Variants in ACSS3 observed in about 807,000 individuals in gnomAD.
The protein encoded by ACSS3 is acyl-CoA synthetase short-chain family member 3, mitochondrial.
ACSS3 carries 64 observed loss-of-function variants against 84.2 expected under a neutral mutation model. The ratio of observed to expected loss-of-function variants is 0.76; its 90% CI spans 0.62 to 0.94. The LOEUF is 0.94. Ranked by LOEUF, ACSS3 falls within the 40% of genes least tolerant of loss-of-function variation. The pLI, the probability that ACSS3 is intolerant of heterozygous loss-of-function variation, is 0.00. For missense variants in ACSS3, 815 were observed against 867.6 expected, an observed-to-expected ratio of 0.94 and a Z score of 0.76; for synonymous variants, 317 against 310.1, an observed-to-expected ratio of 1.02 and a Z score of -0.23.
chr12:81,153,079 C>A (rs768723324), intron 7 of ACSS3, among the ~76,000 whole-genome samples: 9 of 151,996 alleles, frequency 5.9e-5, no homozygotes, highest in Non-Finnish European at 1.3e-4. Flanking sequence ...TAGAAAGCAT[C>A]TGAAAAAAGG....
chr12:81,212,936 ATCT>A (rs1160512298), intron 9 of ACSS3, among the ~76,000 whole-genome samples: 1 of 152,128 alleles, frequency 6.6e-6, no homozygotes, highest in Non-Finnish European at 1.5e-5. Flanking sequence ...TTCCCTGTTC[ATCT>A]TCTTCCTAGC....
chr12:81,107,825 T>C (rs1005824401), intron 1 of ACSS3, among the ~76,000 whole-genome samples: 1 of 151,904 alleles, frequency 6.6e-6, no homozygotes, highest in Non-Finnish European at 1.5e-5. Flanking sequence ...CCCTGCTTCT[T>C]TGGGCTCTGT....
At chr12:81,218,660 T>C (rs971245219) in intron 10 of ACSS3, among the ~76,000 whole-genome samples, 14 of 152,082 alleles carry the variant, frequency 9.2e-5, no homozygotes, top group Non-Finnish European at 1.9e-4. Flanking sequence ...CAGAAAAAAA[T>C]GTTTTGTGTT....
intron 8 of ACSS3, among the ~76,000 whole-genome samples, chr12:81,198,437 A>G (rs2031943237): frequency 6.6e-6 from 1 of 152,128 alleles, no homozygotes; most frequent in African/African-American, 2.4e-5. Flanking sequence ...AAATTAAGCG[A>G]ATAGTAAAAT....
intron 2 of ACSS3, among the ~76,000 whole-genome samples, chr12:81,130,087 C>A (rs1329527267): frequency 6.6e-6 from 1 of 152,166 alleles, no homozygotes. Context: ...AATAAACATA[C>A]ATGTGCATGT....
At position 81,199,367 on chromosome 12, in the gene ACSS3, A is replaced by T. The variant is rs770812815; in HGVS notation, c.1277A>T (p.Glu426Val). 1.2e-6 allele frequency: 2 copies of T among 1,613,410 alleles called. No individual in the cohort carries two copies. Among genetic ancestry groups the T allele is most frequent in the South Asian group, 2.2e-5 (2 of 91,050 alleles). ...TRFKTLFVAG[E>V]RCDVETLEWS... is the part of the protein sequence containing the mutation. ...TTCAAAACATTATTTGTGGCTGGAG[A>T]ACGATGTGATGTAGAGACCCTGGAA... Residue 426 changes from glutamate to valine, a missense_variant, in exon 9 of 16, where the codon GAA becomes GTA. Physicochemically the swap from Glu to Val is moderately radical, Grantham distance 121 (BLOSUM62 -2). Coordinates refer to ENST00000548058, the MANE Select transcript of ACSS3 (RefSeq NM_024560.4).
At position 81,094,157 on chromosome 12, in the gene ACSS3, CCT is replaced by C. The variant is rs1197848879; in HGVS notation, c.312-15388_312-15387del. On this transcript the variant is annotated intron_variant, in intron 1 of 15. Coordinates refer to ENST00000548058, the MANE Select transcript of ACSS3 (RefSeq NM_024560.4). The stretch of plus-strand genomic sequence containing the variant: ...GCATTCCAAGGATATATTTTTTTTT[CCT>C]CTCTCTCTCTCTCTGTCTCTCTCTC... Among the ~76,000 whole-genome samples the C allele has an allele frequency of 6.5e-3, 850 of 131,008 alleles. 5 individuals carry two copies. The highest frequency in any genetic ancestry group is 0.016 in the African/African-American group (571 of 35,688). The allele number at this position is 131,008 out of a possible 152,430, so 85.9% of individuals were successfully genotyped here. A position where few individuals can be genotyped will look rare whatever the true frequency, so the allele number is the denominator to read the frequency against.
chr12:81,086,130 T>A (rs969531695), intron 1 of ACSS3, among the ~76,000 whole-genome samples: 1 of 152,196 alleles, frequency 6.6e-6, no homozygotes, highest in African/African-American at 2.4e-5. Context: ...CAGATATTTT[T>A]AAAATTACAT....
intron 8 of ACSS3, among the ~76,000 whole-genome samples, chr12:81,191,640 G>T (rs1005874992): frequency 1.3e-5 from 2 of 152,076 alleles, no homozygotes; most frequent in Non-Finnish European, 2.9e-5. Context: ...CTGTGGCTTG[G>T]TATCTTTCAC....
rs1334385936 is a variant in ACSS3 at position 81,143,102 on chromosome 12, T to C, written c.781-5T>C. 1.2e-6 allele frequency: 2 copies of C among 1,610,930 alleles called. No homozygotes were observed. Among genetic ancestry groups the C allele is most frequent in the Non-Finnish European group, 1.7e-6 (2 of 1,177,938 alleles). On this transcript the variant is annotated splice_region_variant and splice_polypyrimidine_tract_variant and intron_variant, in intron 4 of 15. Transcript: ENST00000548058. ...AGTACATATTCTTATATTTTTGCTG[T>C]GTAGGAGGCGGTTCCTTTGGCTCCC...
intron 7 of ACSS3, among the ~76,000 whole-genome samples, chr12:81,168,443 T>C (rs779498433): frequency 2.6e-5 from 4 of 152,234 alleles, no homozygotes; most frequent in Non-Finnish European, 4.4e-5. Context: ...AGAATATCCA[T>C]GAACTCCTCT....
Position 81,174,791 on chromosome 12 carries a change from A to G in ACSS3, c.1102A>G (p.Lys368Glu). The change falls in exon 8 of 16, where the codon AAG becomes GAG. Residue 368 changes from lysine (K) to glutamate (E), a missense_variant. By Grantham distance (56) the Lys-to-Glu change is moderately conservative. Transcript: ENST00000548058. ...TTTTAAATGAATCTCATTGTAGGGG[A>G]AGCCTGTGGGAACACCAGATGCTGG... The part of the protein sequence containing the change: ...HGNTTVLYEG[K>E]PVGTPDAGAY... 1.2e-6 allele frequency: 2 copies of G among 1,612,028 alleles called. No homozygotes were observed. The highest frequency in any genetic ancestry group is 2.2e-5 in the East Asian group (1 of 44,860).
At chr12:81,216,356 C>T (rs549276021) in intron 9 of ACSS3, among the ~76,000 whole-genome samples, 22 of 151,654 alleles carry the variant, frequency 1.5e-4, no homozygotes, top group Non-Finnish European at 2.5e-4. Context: ...TGCTAAATGA[C>T]GATATTATCC....
At chr12:81,165,651 GA>G (rs11366530) in intron 7 of ACSS3, among the ~76,000 whole-genome samples, 37,751 of 142,372 alleles carry the variant, frequency 0.27, 5,070 homozygotes, top group East Asian at 0.54. Flanking sequence ...GTCTCAAAAA[GA>G]AAAAAAAAAA....
At position 81,241,492 on chromosome 12, in the gene ACSS3, T is replaced by C. The variant is rs1247511336; in HGVS notation, c.1719+8021T>C. ...TCCTATTTCTCCACATCCTCTCCAG[T>C]ACCTGTTGTTTCCTGACTTTTTAGT... On this transcript the variant is annotated intron_variant, in intron 13 of 15. Transcript: ENST00000548058. 3.9e-5 allele frequency among the ~76,000 whole-genome samples: 6 copies of C among 152,180 alleles called. No homozygotes were observed. The East Asian group carries it at 7.8e-4, about 20-fold the overall frequency.
At chr12:81,123,524 G>A (rs1012787526) in intron 2 of ACSS3, among the ~76,000 whole-genome samples, 2 of 152,034 alleles carry the variant, frequency 1.3e-5, no homozygotes, top group Admixed American at 1.3e-4. Context: ...TACATGTGCA[G>A]GTTAATTACA....
chr12:81,256,681 C>A lies in ACSS3; in HGVS notation c.*1759C>A, dbSNP rs929117979. The A allele has an allele frequency of 6.6e-6, 1 of 152,046 alleles. No homozygotes were observed. Among genetic ancestry groups the A allele is most frequent in the African/African-American group, 2.4e-5 (1 of 41,430 alleles). 9.4% of individuals were successfully genotyped at this position (152,046 alleles called of 1,614,324 possible). On this transcript the variant is annotated 3_prime_UTR_variant, in exon 16 of 16. Transcript: ENST00000548058. ...AGTTTATTGTTATAAAAATGACCTA[C>A]AACTTATATAAAAAAATTCTGAAAA...
intron 10 of ACSS3, 147 bp from the exon 11 acceptor site, chr12:81,219,861 ATATTT>A: frequency 2.4e-6 from 1 of 422,050 alleles, no homozygotes; most frequent in Non-Finnish European, 4.1e-6. Context: ...TTTTTGTAAG[ATATTT>A]TAGTTTATAT....
chr12:81,203,690 G>A (rs1395609501), intron 9 of ACSS3, among the ~76,000 whole-genome samples: 7 of 152,104 alleles, frequency 4.6e-5, no homozygotes, highest in Admixed American at 4.6e-4. Context: ...TTGCTTTGGA[G>A]TATAATAATG....
Sources: gnomAD v4.1 joint callset for allele counts (sites outside exome capture counted in the v4.1 genomes callset) on GRCh38, gnomAD v4.1.1 for gene constraint, MANE v1.5 for transcripts, NCBI Gene and HGNC (gene_info 2026-07-23, HGNC 2026-07-21) for gene names.